NPHP1: variants seen among roughly 807,000 people sequenced by gnomAD.
NPHP1 encodes the protein nephrocystin-1.
In NPHP1, 70 loss-of-function variants were observed where a neutral mutation model predicts 90.4. That is an observed-to-expected ratio of 0.77 (90% CI 0.64 to 0.95). The LOEUF is 0.95. Ranked by LOEUF, NPHP1 falls within the 40% of genes least tolerant of loss-of-function variation. NPHP1 has a pLI of 0.00. For missense variants in NPHP1, 764 were observed against 795.9 expected (o/e 0.96, Z 0.48); for synonymous variants, 256 against 271.7 (o/e 0.94, Z 0.57).
intron 9 of NPHP1, among the ~76,000 whole-genome samples, chr2:110,162,475 T>A (rs1682415655): frequency 6.6e-6 from 1 of 152,040 alleles, no homozygotes; most frequent in South Asian, 2.1e-4. Flanking sequence ...AGCCCTTCCA[T>A]GACAACTCAA....
At chr2:110,172,772 C>T (rs1683231106) in intron 4 of NPHP1, among the ~76,000 whole-genome samples, 1 of 152,018 alleles carries the variant, frequency 6.6e-6, no homozygotes. Context: ...AACGGAGACC[C>T]TGTCTCCAAA....
rs1680665275 is a variant in NPHP1 at position 110,141,912 on chromosome 2, G to A, written c.1529+1630C>T. ...GGCGTGAACCCGGGAGGCGGAGCTT[G>A]CAGTGAGCCGAGATGGTGCCACTGC... On this transcript the variant is annotated intron_variant, in intron 16 of 19. Transcript: ENST00000445609. Among the ~76,000 whole-genome samples the A allele has an allele frequency of 1.3e-5, 2 of 149,672 alleles. 1 individual carries two copies. Among genetic ancestry groups the A allele is most frequent in the South Asian group, 4.2e-4 (2 of 4,732 alleles).
intron 14 of NPHP1, among the ~76,000 whole-genome samples, chr2:110,145,634 C>G (rs566926941): frequency 2.6e-5 from 4 of 152,128 alleles, no homozygotes; most frequent in African/African-American, 9.6e-5. Flanking sequence ...TCACAGTATT[C>G]AAAATATTCT....
intron 2 of NPHP1, among the ~76,000 whole-genome samples, chr2:110,196,102 G>A (rs11695276): frequency 6.6e-6 from 1 of 151,548 alleles, no homozygotes; most frequent in Admixed American, 6.6e-5. Flanking sequence ...GGGCAAGGAC[G>A]TCATGTCTAA....
At chr2:110,204,663 G>C (rs1685811545) in intron 1 of NPHP1, among the ~76,000 whole-genome samples, 1 of 152,034 alleles carries the variant, frequency 6.6e-6, no homozygotes, top group Non-Finnish European at 1.5e-5. Flanking sequence ...CTTAGTTGAT[G>C]GTCACGAATT....
intron 4 of NPHP1, among the ~76,000 whole-genome samples, chr2:110,174,932 G>C (rs1222675049): frequency 1.3e-5 from 2 of 151,880 alleles, no homozygotes; most frequent in South Asian, 2.1e-4. Flanking sequence ...GAGAAAATAA[G>C]TGTGTTAGAT....
chr2:110,165,058 T>A lies in NPHP1; in HGVS notation c.722A>T (p.Lys241Met). The change falls in exon 7 of 20, where the codon AAG (lysine) becomes ATG (methionine). Residue 241 changes from lysine to methionine, a missense_variant. Lys to Met is a moderately conservative substitution (Grantham distance 95). Transcript: ENST00000445609. ...VDETADGAEV[K>M]QRTDPHWSAV... is the part of the protein sequence containing the mutation. Reference sequence around the variant, plus strand: ...TCCTTTCCCACTTTTGTACCTTTGCTTAACTTCTGCTCCATCTGCTGTTTC... The same window carrying A: ...TCCTTTCCCACTTTTGTACCTTTGCATAACTTCTGCTCCATCTGCTGTTTC... The A allele has an allele frequency of 6.2e-7, 1 of 1,612,570 alleles. No homozygotes were observed. The highest frequency in any genetic ancestry group is 8.5e-7 in the Non-Finnish European group (1 of 1,178,656).
In NPHP1 at chr2:110,143,591, G is replaced by T. The variant is rs1680803686; in HGVS notation, c.1480C>A (p.Leu494Ile). Reference protein sequence around the residue: ...QIMTMRRQPQLLVKLRSLNRR... With the variant: ...QIMTMRRQPQILVKLRSLNRR... ...TTCAAGGATCTCAGTTTCACTAGAA[G>T]TTGAGGCTGCCTTCTCATTGTCATA... The change falls in exon 16 of 20, where the codon CTT becomes ATT. Residue 494 changes from leucine (L) to isoleucine (I), a missense_variant. Physicochemically the swap from Leu to Ile is conservative, Grantham distance 5. Coordinates refer to ENST00000445609, the MANE Select transcript of NPHP1 (RefSeq NM_001128178.3). The T allele has an allele frequency of 6.2e-7, 1 of 1,613,750 alleles. No individual in the cohort carries two copies. The highest frequency in any genetic ancestry group is 1.3e-5 in the African/African-American group (1 of 74,922).
chr2:110,184,583 GC>G, intron 2 of NPHP1: 3 of 1,252,260 alleles, frequency 2.4e-6, no homozygotes, highest in Admixed American at 3.4e-5. Flanking sequence ...GCTTTGCCAT[GC>G]CCCACTCCAT....
At chr2:110,135,246 T>C (rs1195142701) in intron 16 of NPHP1, among the ~76,000 whole-genome samples, 1 of 151,814 alleles carries the variant, frequency 6.6e-6, no homozygotes, top group Non-Finnish European at 1.5e-5. Flanking sequence ...GATTTCAAAA[T>C]AATAATCTGG....
chr2:110,155,272 T>A (rs1407460425), intron 11 of NPHP1, among the ~76,000 whole-genome samples: 3 of 152,156 alleles, frequency 2.0e-5, no homozygotes, highest in African/African-American at 7.2e-5. Flanking sequence ...GTATGATATG[T>A]CTGAATGTCC....
chr2:110,160,969 C>T (rs896992810), intron 10 of NPHP1, among the ~76,000 whole-genome samples: 11 of 152,128 alleles, frequency 7.2e-5, no homozygotes, highest in African/African-American at 2.4e-4. Context: ...GAGTTTGAGA[C>T]CAGCCTGGCA....
intron 2 of NPHP1, among the ~76,000 whole-genome samples, chr2:110,192,312 A>G (rs886977026): frequency 6.6e-6 from 1 of 152,218 alleles, no homozygotes; most frequent in African/African-American, 2.4e-5. Context: ...AAGTCCTTAA[A>G]GGACCTGATG....
At chr2:110,197,811 C>CA (rs1685273307) in intron 2 of NPHP1, among the ~76,000 whole-genome samples, 2 of 151,956 alleles carry the variant, frequency 1.3e-5, no homozygotes, top group South Asian at 2.1e-4. Context: ...GTTACTTGAC[C>CA]AAAAAAATCT....
At chr2:110,141,326 T>C (rs2104471393) in intron 16 of NPHP1, among the ~76,000 whole-genome samples, 1 of 152,330 alleles carries the variant, frequency 6.6e-6, no homozygotes, top group African/African-American at 2.4e-5. Context: ...ACACTGTAAA[T>C]ACTGGCTGTT....
Position 110,163,133 on chromosome 2 carries a change from C to A in NPHP1, c.774G>T (p.Gln258His). 6.2e-7 allele frequency: 1 copy of A among 1,606,578 alleles called. No individual in the cohort carries two copies. The highest frequency in any genetic ancestry group is 8.5e-7 in the Non-Finnish European group (1 of 1,173,104). ...WSAVQKAISE[Q>H]INTVDVLTTM... is the part of the protein sequence containing the mutation. ...TAGTTAACACATCAACAGTGTTTATCTGCTGAAGACAGTAACATCAAAATG... is the reference window on the plus strand; with the variant it reads ...TAGTTAACACATCAACAGTGTTTATATGCTGAAGACAGTAACATCAAAATG... The change falls in exon 9 of 20, where the codon CAG becomes CAT. Residue 258 changes from glutamine to histidine, a missense_variant and splice_region_variant. Gln to His is a conservative substitution (Grantham distance 24). Transcript: ENST00000445609.
chr2:110,168,126 T>C (rs564243884), intron 6 of NPHP1, among the ~76,000 whole-genome samples: 1 of 152,308 alleles, frequency 6.6e-6, no homozygotes, highest in South Asian at 2.1e-4. Context: ...GGATCACATA[T>C]TTGTGGAAGT....
intron 2 of NPHP1, among the ~76,000 whole-genome samples, chr2:110,185,923 C>T (rs1310022974): frequency 1.3e-5 from 2 of 152,150 alleles, no homozygotes; most frequent in Non-Finnish European, 2.9e-5. Context: ...CCTGCTGATT[C>T]CAGGTCCTTG....
intron 16 of NPHP1, among the ~76,000 whole-genome samples, chr2:110,137,853 C>T (rs1324945770): frequency 4.0e-5 from 6 of 151,062 alleles, no homozygotes; most frequent in African/African-American, 1.2e-4. Flanking sequence ...ATAAATCATG[C>T]TGCTATAAAG....
Sources: gnomAD v4.1 joint callset for allele counts (sites outside exome capture counted in the v4.1 genomes callset) on GRCh38, gnomAD v4.1.1 for gene constraint, MANE v1.5 for transcripts, NCBI Gene and HGNC (gene_info 2026-07-23, HGNC 2026-07-21) for gene names.